Variants in SBF1 observed in about 807,000 individuals in gnomAD.
SBF1 encodes SET binding factor 1.
In SBF1, 65 loss-of-function variants were observed where a neutral mutation model predicts 215.8. That is an observed-to-expected ratio of 0.30 (90% CI 0.25 to 0.37). The LOEUF is 0.37. Ranked by LOEUF, SBF1 falls within the 10% of genes least tolerant of loss-of-function variation. The pLI is 1.00. For missense variants in SBF1, 2,634 were observed against 2,667.8 expected, an observed-to-expected ratio of 0.99 and a Z score of 0.28; for synonymous variants, 1,410 against 1,122.8, an observed-to-expected ratio of 1.26 and a Z score of -5.11.
rs1302744499 is a variant in SBF1, at chr22:50,474,986, G to A, written c.-146C>T. 8.9e-6 allele frequency: 3 copies of A among 337,566 alleles called. No homozygotes were observed. The highest frequency in any genetic ancestry group is 5.4e-5 in the African/African-American group (2 of 37,338). The allele number at this position is 337,566 out of a possible 1,614,324, so 20.9% of individuals were successfully genotyped here. A position where few individuals can be genotyped will look rare whatever the true frequency, so the allele number is the denominator to read the frequency against. On this transcript the variant is annotated 5_prime_UTR_variant, in exon 1 of 41. Coordinates refer to ENST00000380817, the MANE Select transcript of SBF1 (RefSeq NM_002972.4). Reference sequence around the variant, plus strand: ...GCTCCGCGGCGGCGGCGGCGGCGGCGGCGGCGGCCCAGGTTCCCGCCGCCA... The same window carrying A: ...GCTCCGCGGCGGCGGCGGCGGCGGCAGCGGCGGCCCAGGTTCCCGCCGCCA...
chr22:50,467,279 C>T (rs953453232), intron 5 of SBF1, 59 bp downstream of exon 5: 1 of 1,432,648 alleles, frequency 7.0e-7, no homozygotes, highest in Non-Finnish European at 9.8e-7. Flanking sequence ...CAAATACCTA[C>T]CAGGGCCCCA....
chr22:50,467,904 C>A lies in SBF1; in HGVS notation c.161G>T (p.Trp54Leu). Residue 54 changes from tryptophan to leucine, a missense_variant, in exon 3 of 41, where the codon TGG (tryptophan) becomes TTG (leucine). Coordinates refer to ENST00000380817, the MANE Select transcript of SBF1 (RefSeq NM_002972.4). Reference protein sequence around the residue: ...GIELFCQPSGWQLCPERNPPT... With the variant: ...GIELFCQPSGLQLCPERNPPT... The stretch of plus-strand genomic sequence containing the variant: ...TGGATTCCTCTCGGGACACAGCTGC[C>A]ACCCGCTGGGCTGGCAAAACTGCAG... 3 of 1,613,960 alleles carry A rather than the reference C, an allele frequency of 1.9e-6. No individual in the cohort carries two copies. The highest frequency in any genetic ancestry group is 2.5e-6 in the Non-Finnish European group (3 of 1,179,946).
At position 50,456,344 on chromosome 22, in the gene SBF1, A is replaced by G. The variant is rs1389839988; in HGVS notation, c.4138T>C (p.Phe1380Leu). ...QQWELVPIEVFEARQVKASFK... is the reference protein window; with the variant it reads ...QQWELVPIEVLEARQVKASFK... Reference sequence around the variant, plus strand: ...CTAGCCTTCACCTGCCGTGCCTCGAATACCTCAATGGGCACCAGCTCCCAC... The same window carrying G: ...CTAGCCTTCACCTGCCGTGCCTCGAGTACCTCAATGGGCACCAGCTCCCAC... The change falls in exon 31 of 41, where the codon TTC becomes CTC. Residue 1380 changes from phenylalanine to leucine, a missense_variant. By Grantham distance (22) the Phe-to-Leu change is conservative (BLOSUM62 0). Coordinates refer to ENST00000380817, the MANE Select transcript of SBF1 (RefSeq NM_002972.4). 1.9e-6 allele frequency: 3 copies of G among 1,613,360 alleles called. No homozygotes were observed. The highest frequency in any genetic ancestry group is 2.7e-5 in the African/African-American group (2 of 75,046).
intron 38 of SBF1, 146 bp downstream of exon 38, chr22:50,448,087 G>C (rs760248386): frequency 9.1e-5 from 67 of 735,144 alleles, no homozygotes; most frequent in Non-Finnish European, 1.4e-4. Context: ...GTGGTCACCA[G>C]TTCGACACCC....
chr22:50,461,533 C>G lies in SBF1; in HGVS notation c.2829G>C (p.Thr943=), dbSNP rs537275979. ...TYRVIFTGMP[T]DPLVGEQVVV... ...AGTCTGCAGGCTCACCCAGGGGGTC[C>G]GTGGGCATCCCCGTGAAGATGACCC... The change falls in exon 22 of 41, where the codon ACG becomes ACC. Residue 943 remains threonine, a synonymous_variant. Transcript: ENST00000380817. 36 of 1,599,540 alleles carry G rather than the reference C, an allele frequency of 2.3e-5. No individual in the cohort carries two copies. In the East Asian group the frequency reaches 7.9e-4, roughly 35 times the overall value.
At chr22:50,463,538 TG>T (rs2067612590) in intron 15 of SBF1, 106 bp from the exon 16 acceptor site, 1 of 1,274,662 alleles carries the variant, frequency 7.8e-7, no homozygotes, top group African/African-American at 1.5e-5. Flanking sequence ...GCCTTTCAGG[TG>T]GGGTGTGCCA....
At chr22:50,450,144 C>G (rs530581393) in intron 36 of SBF1, among the ~76,000 whole-genome samples, 1 of 152,326 alleles carries the variant, frequency 6.6e-6, no homozygotes, top group African/African-American at 2.4e-5. Flanking sequence ...CTAGACAGAG[C>G]CCTCCTTGAG....
chr22:50,458,798 G>A (rs1394221971), intron 28 of SBF1, among the ~76,000 whole-genome samples: 2 of 152,198 alleles, frequency 1.3e-5, no homozygotes, highest in Admixed American at 1.3e-4. Flanking sequence ...CCAAGCTGCA[G>A]GCAGAGCCAG....
rs1275902907 is a variant in SBF1, at chr22:50,445,307, C to T, written c.*1835G>A. On this transcript the variant is annotated 3_prime_UTR_variant, in exon 41 of 41. Coordinates refer to ENST00000380817, the MANE Select transcript of SBF1 (RefSeq NM_002972.4). ...ATGGGGGGAACCACTTCGCCTAACGCTCAAACACATCAACCCCAGGACTTC... is the reference window on the plus strand; with the variant it reads ...ATGGGGGGAACCACTTCGCCTAACGTTCAAACACATCAACCCCAGGACTTC... 9 of 152,266 alleles carry T rather than the reference C, an allele frequency of 5.9e-5. 1 individual carries two copies. Among genetic ancestry groups the T allele is most frequent in the Admixed American group, 4.6e-4 (7 of 15,292 alleles). The allele number at this position is 152,266 out of a possible 1,614,324, so 9.4% of individuals were successfully genotyped here. A position where few individuals can be genotyped will look rare whatever the true frequency, so the allele number is the denominator to read the frequency against.
chr22:50,468,391 G>C lies in SBF1; in HGVS notation c.126C>G (p.Pro42=). The change falls in exon 2 of 41, where the codon CCC becomes CCG. Residue 42 remains proline, a synonymous_variant. Transcript: ENST00000380817. The part of the protein sequence containing the change: ...PEKDWEDNPF[P]QGIELFCQPS... ...CCCAACTCACCAGCTCGATGCCCTG[G>C]GGGAATGGGTTGTCCTCCCAGTCCT... The C allele has an allele frequency of 6.2e-7, 1 of 1,613,012 alleles. No homozygotes were observed. Among genetic ancestry groups the C allele is most frequent in the Non-Finnish European group, 8.5e-7 (1 of 1,179,478 alleles).
chr22:50,464,726 G>T lies in SBF1; in HGVS notation c.1444C>A (p.Pro482Thr), dbSNP rs2067672856. The T allele has an allele frequency of 6.2e-7, 1 of 1,607,444 alleles. No individual in the cohort carries two copies. Among genetic ancestry groups the T allele is most frequent in the Non-Finnish European group, 8.5e-7 (1 of 1,177,962 alleles). Residue 482 changes from proline (P) to threonine (T), a missense_variant, in exon 14 of 41, where the codon CCA (proline) becomes ACA (threonine). Pro to Thr is a conservative substitution (Grantham distance 38). Transcript: ENST00000380817. ...TGTACCTTGTGCATCGCCACGGCTGGGTACGGGTTCTCCTGTGGGGAGACG... is the reference window on the plus strand; with the variant it reads ...TGTACCTTGTGCATCGCCACGGCTGTGTACGGGTTCTCCTGTGGGGAGACG... ...EQLYKNENPY[P>T]AVAMHKVQRP...
In SBF1 at chr22:50,466,471, C is replaced by T. The variant is rs371753373; in HGVS notation, c.667G>A (p.Val223Met). 10 of 1,547,736 alleles carry T rather than the reference C, an allele frequency of 6.5e-6. No individual in the cohort carries two copies. Among genetic ancestry groups the T allele is most frequent in the African/African-American group, 2.7e-5 (2 of 73,076 alleles). ...AGGGCGGCACAGAACAAAGACAGCA[C>T]GTTGGTGATGCCTAAAGGAAGAAGA... ...LLFRQLGITN[V>M]LSLFCAALTE... The change falls in exon 7 of 41, where the codon GTG becomes ATG. Residue 223 changes from valine to methionine, a missense_variant. Physicochemically the swap from Val to Met is conservative, Grantham distance 21. Coordinates refer to ENST00000380817, the MANE Select transcript of SBF1 (RefSeq NM_002972.4).
At chr22:50,459,413 G>A in intron 27 of SBF1, 21 bp from the exon 28 acceptor site, 3 of 1,611,968 alleles carry the variant, frequency 1.9e-6, no homozygotes, top group Non-Finnish European at 2.5e-6. Flanking sequence ...ACACGGAGCT[G>A]AGGGAGGGGA....
chr22:50,473,734 T>C (rs1480956309), intron 1 of SBF1, among the ~76,000 whole-genome samples: 1 of 152,040 alleles, frequency 6.6e-6, no homozygotes, highest in East Asian at 1.9e-4. Flanking sequence ...GCAAGCTCAA[T>C]CCCACCTCCA....
chr22:50,464,742 T>TG lies in SBF1; in HGVS notation c.1432-5dup, dbSNP rs1236211309. The TG allele has an allele frequency of 6.2e-7, 1 of 1,608,348 alleles. No individual in the cohort carries two copies. The highest frequency in any genetic ancestry group is 1.7e-5 in the Admixed American group (1 of 59,852). On this transcript the variant is annotated splice_polypyrimidine_tract_variant and splice_region_variant and intron_variant, in intron 13 of 40. Transcript: ENST00000380817. ...CCACGGCTGGGTACGGGTTCTCCTG[T>TG]GGGGAGACGGCAGGTGTGGGGCAGG...
intron 38 of SBF1, 120 bp downstream of exon 38, chr22:50,448,113 G>T: frequency 1.1e-6 from 1 of 876,702 alleles, no homozygotes; most frequent in Non-Finnish European, 1.8e-6. Context: ...CCCTCCCAGT[G>T]GTGGTGTATA....
Position 50,460,274 on chromosome 22 carries a change from G to C in SBF1, c.3281C>G (p.Ser1094Ter). ...PPPEDQEDEI[S>*]VSEELEPSTL... ...GGACTCCACCCCCACCCCTCCACCT[G>C]AGATCTCGTCCTCCTGGTCCTCAGG... Residue 1094 changes from serine to a stop codon, truncating the protein, a stop_gained and splice_region_variant, in exon 25 of 41, where the codon TCA becomes TGA. Transcript: ENST00000380817. LOFTEE classifies it high-confidence loss of function. 1 of 1,603,866 alleles carries C rather than the reference G, an allele frequency of 6.2e-7. No individual in the cohort carries two copies. Among genetic ancestry groups the C allele is most frequent in the Non-Finnish European group, 8.5e-7 (1 of 1,173,098 alleles).
At position 50,461,665 on chromosome 22, in the gene SBF1, G is replaced by A. The variant is rs374888082; in HGVS notation, c.2697C>T (p.Gly899=). The A allele has an allele frequency of 4.3e-6, 7 of 1,610,624 alleles. No homozygotes were observed. Among genetic ancestry groups the A allele is most frequent in the East Asian group, 2.2e-5 (1 of 44,870 alleles). ...CATCCGGCAGCAGGTAGACGCGCAG[G>A]CCGTCCAGCACACACTCCTCACCCG... is the stretch of plus-strand genomic sequence containing the variant. The part of the protein sequence containing the change: ...LLPGEECVLD[G]LRVYLLPDGR... The change falls in exon 22 of 41, where the codon GGC becomes GGT. Residue 899 remains glycine (G), a synonymous_variant. Coordinates refer to ENST00000380817, the MANE Select transcript of SBF1 (RefSeq NM_002972.4).
rs758473187 is a variant in SBF1, at chr22:50,462,933, G to C, written c.1905C>G (p.Cys635Trp). 1.2e-6 allele frequency: 2 copies of C among 1,612,656 alleles called. No individual in the cohort carries two copies. The highest frequency in any genetic ancestry group is 2.2e-5 in the South Asian group (2 of 90,890). ...CAATGCCATGCTCGTCCAGAGAAGT[G>C]CAGTCCTGCAGGTAGAGCGAGAGAC... ...VRMMNCCLQDCTSLDEHGIAA... is the reference protein window; with the variant it reads ...VRMMNCCLQDWTSLDEHGIAA... Residue 635 changes from cysteine (C) to tryptophan (W), a missense_variant, in exon 17 of 41, where the codon TGC becomes TGG. Coordinates refer to ENST00000380817, the MANE Select transcript of SBF1 (RefSeq NM_002972.4).
Sources: allele counts gnomAD v4.1 joint callset (sites outside exome capture counted in the v4.1 genomes callset), GRCh38; gene constraint gnomAD v4.1.1; transcripts MANE v1.5; gene names NCBI Gene and HGNC (gene_info 2026-07-23, HGNC 2026-07-21).